The following MTRES1 variants were observed in gnomAD, a reference collection of about 807,000 sequenced individuals.
MTRES1 encodes the protein uncharacterized protein C6orf203.
A neutral mutation model predicts 17.4 loss-of-function variants in MTRES1; 11 were observed. That is an observed-to-expected ratio of 0.63 (90% CI 0.40 to 1.05). MTRES1 has a LOEUF of 1.05. Ranked by LOEUF, MTRES1 falls within the 50% of genes least tolerant of loss-of-function variation. The pLI, the probability that MTRES1 is intolerant of heterozygous loss-of-function variation, is 0.00. For synonymous variants in MTRES1, 94 were observed against 99.6 expected (o/e 0.94, Z 0.34); for missense variants, 268 against 276.2 (o/e 0.97, Z 0.21).
intron 1 of MTRES1, chr6:107,028,939 T>C (rs2593793): frequency 1 from 933,250 of 934,558 alleles, 465,990 homozygotes; most frequent in Middle Eastern, 1. Context: ...CTTCCCAGGG[T>C]CCATCATTGC....
intron 3 of MTRES1, among the ~76,000 whole-genome samples, chr6:107,047,898 CA>C (rs1774444743): frequency 6.6e-6 from 1 of 151,728 alleles, no homozygotes; most frequent in African/African-American, 2.4e-5. Context: ...AAAAAGAAAA[CA>C]AACAAAAAAA....
At chr6:107,045,229 C>G (rs1774351792) in intron 3 of MTRES1, among the ~76,000 whole-genome samples, 1 of 151,556 alleles carries the variant, frequency 6.6e-6, no homozygotes, top group Non-Finnish European at 1.5e-5. Context: ...CACCTGTAAT[C>G]CCAGCACTTT....
At chr6:107,041,863 A>G (rs1207792984) in intron 2 of MTRES1, among the ~76,000 whole-genome samples, 1 of 152,252 alleles carries the variant, frequency 6.6e-6, no homozygotes, top group Non-Finnish European at 1.5e-5. Context: ...TCTCTGCTAG[A>G]TTAATTATAT....
At chr6:107,038,079 T>A (rs1774070423) in intron 1 of MTRES1, among the ~76,000 whole-genome samples, 1 of 139,484 alleles carries the variant, frequency 7.2e-6, no homozygotes. Flanking sequence ...ACATTCAGTC[T>A]GCTTTATTTC....
At chr6:107,047,966 A>AG (rs1774447164) in intron 3 of MTRES1, among the ~76,000 whole-genome samples, 1 of 152,132 alleles carries the variant, frequency 6.6e-6, no homozygotes, top group African/African-American at 2.4e-5. Flanking sequence ...TGGGAGGCTG[A>AG]GGAGGGAGTG....
chr6:107,034,484 A>G (rs538147183), intron 1 of MTRES1, among the ~76,000 whole-genome samples: 8 of 151,832 alleles, frequency 5.3e-5, no homozygotes, highest in African/African-American at 1.9e-4. Flanking sequence ...AATAGATGTC[A>G]GGGTGTGGAA....
intron 1 of MTRES1, among the ~76,000 whole-genome samples, chr6:107,031,457 T>G (rs2114937928): frequency 6.6e-6 from 1 of 151,122 alleles, no homozygotes; most frequent in South Asian, 2.1e-4. Flanking sequence ...TTTCTTTTTT[T>G]TTTTTTTGAG....
At chr6:107,031,574 C>G (rs1270467663) in intron 1 of MTRES1, among the ~76,000 whole-genome samples, 10 of 150,534 alleles carry the variant, frequency 6.6e-5, no homozygotes, top group Non-Finnish European at 4.4e-5. Flanking sequence ...TCCTGAGTAG[C>G]TAGGATTACA....
intron 3 of MTRES1, among the ~76,000 whole-genome samples, chr6:107,046,341 G>A (rs1469971240): frequency 1.4e-4 from 6 of 43,224 alleles, no homozygotes; most frequent in African/African-American, 3.4e-4. Context: ...CCTCCCACCC[G>A]CCCCCGTTTT....
intron 1 of MTRES1, among the ~76,000 whole-genome samples, chr6:107,031,450 C>CTTT (rs1424194800): frequency 6.0e-5 from 1 of 16,760 alleles, no homozygotes; most frequent in African/African-American, 1.2e-4. Context: ...GGAGTCTTTT[C>CTTT]TTTTTTTTTT....
chr6:107,047,357 G>A (rs1424502047), intron 3 of MTRES1, among the ~76,000 whole-genome samples: 2 of 151,730 alleles, frequency 1.3e-5, no homozygotes, highest in African/African-American at 2.4e-5. Context: ...CGAGTAGCTG[G>A]TATGACAGGC....
chr6:107,030,049 A>G, intron 1 of MTRES1: 1 of 718,224 alleles, frequency 1.4e-6, no homozygotes, highest in Non-Finnish European at 2.6e-6. Flanking sequence ...AAGAATAGGA[A>G]TCTTCGTATT....
At chr6:107,029,949 C>A in intron 1 of MTRES1, 1 of 643,134 alleles carries the variant, frequency 1.6e-6, no homozygotes. Context: ...CACTTTCTTC[C>A]CCCAGTGCAT....
intron 3 of MTRES1, among the ~76,000 whole-genome samples, chr6:107,050,805 G>C (rs781986341): frequency 4.6e-5 from 7 of 151,984 alleles, no homozygotes; most frequent in Admixed American, 3.3e-4. Flanking sequence ...TCGAACTCCT[G>C]ACCTCAGGTG....
chr6:107,041,739 A>G (rs565579497), intron 2 of MTRES1, among the ~76,000 whole-genome samples: 1 of 152,114 alleles, frequency 6.6e-6, no homozygotes, highest in South Asian at 2.1e-4. Context: ...TGTGTTAGCC[A>G]GGATGGTCTC....
intron 2 of MTRES1, among the ~76,000 whole-genome samples, chr6:107,041,513 G>GT (rs1356585851): frequency 2.0e-5 from 3 of 151,906 alleles, no homozygotes; most frequent in Admixed American, 6.6e-5. Flanking sequence ...GTATTTCTGG[G>GT]TTTTTTTGTT....
intron 3 of MTRES1, among the ~76,000 whole-genome samples, chr6:107,050,224 A>G (rs1288091838): frequency 6.6e-6 from 1 of 152,226 alleles, no homozygotes; most frequent in African/African-American, 2.4e-5. Flanking sequence ...TCAGCCTTTT[A>G]ACCCATTGAA....
At chr6:107,036,896 T>TG (rs1171565747) in intron 1 of MTRES1, among the ~76,000 whole-genome samples, 17 of 151,606 alleles carry the variant, frequency 1.1e-4, no homozygotes, top group Admixed American at 9.9e-4. Flanking sequence ...ATGTCCTTCC[T>TG]ACTCTTTTGG....
At chr6:107,030,239 G>A (rs1773791467) in intron 1 of MTRES1, 4 of 696,878 alleles carry the variant, frequency 5.7e-6, no homozygotes, top group South Asian at 4.7e-5. Context: ...TTAGACCATC[G>A]TAGAGACTTT....
Sources: allele counts gnomAD v4.1 joint callset (sites outside exome capture counted in the v4.1 genomes callset), GRCh38; gene constraint gnomAD v4.1.1; transcripts MANE v1.5; gene names NCBI Gene and HGNC (gene_info 2026-07-23, HGNC 2026-07-21).